The following IGF1R variants were observed in gnomAD, a reference collection of about 807,000 sequenced individuals.
The protein encoded by IGF1R is insulin like growth factor 1 receptor, also known as insulin-like growth factor 1 receptor.
Under a neutral mutation model 144.6 loss-of-function variants are expected in IGF1R, and 44 were observed. The observed-to-expected ratio is 0.30, with a 90% CI of 0.24 to 0.39. The LOEUF (loss-of-function observed/expected upper bound fraction) is 0.39, where lower values mean the gene tolerates loss of function less well. Among genes scored for constraint, IGF1R ranks in the 10% least tolerant of loss-of-function variants. IGF1R has a pLI of 1.00. For synonymous variants in IGF1R, 795 were observed against 722.8 expected (o/e 1.10, Z -1.60); for missense variants, 1,355 against 1,833.7 (o/e 0.74, Z 4.77).
intron 2 of IGF1R, among the ~76,000 whole-genome samples, chr15:98,810,515 T>A (rs892974557): frequency 7.2e-5 from 11 of 152,140 alleles, no homozygotes; most frequent in African/African-American, 2.2e-4. Context: ...CAAGTAACTC[T>A]CTTGTAAAAT....
chr15:98,782,900 A>G (rs892475911), intron 2 of IGF1R, among the ~76,000 whole-genome samples: 2 of 152,248 alleles, frequency 1.3e-5, no homozygotes, highest in African/African-American at 2.4e-5. Context: ...TAAGAAAGCA[A>G]TGTGGCTTAA....
intron 2 of IGF1R, among the ~76,000 whole-genome samples, chr15:98,778,392 G>C (rs770486676): frequency 7.9e-5 from 12 of 152,178 alleles, no homozygotes; most frequent in Admixed American, 2.0e-4. Flanking sequence ...TTGGGTTATA[G>C]TCACTCATTC....
intron 6 of IGF1R, 148 bp downstream of exon 6, chr15:98,909,047 A>C: frequency 1.4e-6 from 1 of 727,188 alleles, no homozygotes; most frequent in Admixed American, 2.0e-5. Flanking sequence ...CTTTGCTCCT[A>C]CTTATATGTC....
chr15:98,914,555 G>A (rs138226219), intron 8 of IGF1R, among the ~76,000 whole-genome samples: 27 of 152,314 alleles, frequency 1.8e-4, no homozygotes, highest in South Asian at 6.2e-4. Flanking sequence ...CTGATCCTGC[G>A]TGTGGGTTGG....
chr15:98,909,251 CTTTTT>C (rs372127452), intron 6 of IGF1R, among the ~76,000 whole-genome samples: 1 of 38,892 alleles, frequency 2.6e-5, no homozygotes, highest in African/African-American at 5.7e-5. Flanking sequence ...TCTTTTTTTT[CTTTTT>C]TTTTCTTTTT....
At chr15:98,780,926 G>C (rs1485256071) in intron 2 of IGF1R, among the ~76,000 whole-genome samples, 1 of 152,060 alleles carries the variant, frequency 6.6e-6, no homozygotes, top group Non-Finnish European at 1.5e-5. Flanking sequence ...TACCAGCCTG[G>C]GCAACATGGC....
chr15:98,665,945 A>T (rs577114943), intron 1 of IGF1R, among the ~76,000 whole-genome samples: 1 of 152,194 alleles, frequency 6.6e-6, no homozygotes, highest in Non-Finnish European at 1.5e-5. Context: ...AATATTGCCT[A>T]TGGTGGTATT....
rs76791619 is a variant in IGF1R, at chr15:98,754,111, G to C, written c.640+46004G>C. On this transcript the variant is annotated intron_variant, in intron 2 of 20. Transcript: ENST00000650285. Reference sequence around the variant, plus strand: ...ATAATTTTTTTCTTCTTCATATTTTGTTATTAATAATAGCTTACAGAATGG... The same window carrying C: ...ATAATTTTTTTCTTCTTCATATTTTCTTATTAATAATAGCTTACAGAATGG... 9.0e-3 allele frequency among the ~76,000 whole-genome samples: 1,362 copies of C among 152,058 alleles called. 20 individuals are homozygous for C. The highest frequency in any genetic ancestry group is 0.031 in the African/African-American group (1,294 of 41,454).
intron 2 of IGF1R, among the ~76,000 whole-genome samples, chr15:98,830,699 G>C (rs1370580110): frequency 6.6e-6 from 1 of 151,058 alleles, no homozygotes; most frequent in Admixed American, 6.6e-5. Context: ...CCACTTCTGG[G>C]TTCAAGCAAT....
intron 1 of IGF1R, among the ~76,000 whole-genome samples, chr15:98,662,949 T>G (rs534753637): frequency 4.0e-4 from 61 of 152,098 alleles, no homozygotes; most frequent in African/African-American, 1.4e-3. Flanking sequence ...ACCATTGCAG[T>G]GGACCCGCTG....
At chr15:98,716,405 C>T (rs1267743788) in intron 2 of IGF1R, among the ~76,000 whole-genome samples, 1 of 152,176 alleles carries the variant, frequency 6.6e-6, no homozygotes, top group African/African-American at 2.4e-5. Context: ...AAATGGCACA[C>T]TGATCATCAT....
chr15:98,680,864 C>CT (rs71149411), intron 1 of IGF1R, among the ~76,000 whole-genome samples: 2,730 of 142,484 alleles, frequency 0.019, 90 homozygotes, highest in African/African-American at 0.058. Flanking sequence ...GCCATATGTA[C>CT]TTTTTTTTTT....
chr15:98,812,701 CT>C lies in IGF1R; in HGVS notation c.641-78622del, dbSNP rs549171683. ...TTCGTCGTATAATATTATGGCCATC[CT>C]TCCAAACGTGACCTTTTTATGTTGT... On this transcript the variant is annotated intron_variant, in intron 2 of 20. Coordinates refer to ENST00000650285, the MANE Select transcript of IGF1R (RefSeq NM_000875.5). Among the ~76,000 whole-genome samples, 21 of 152,302 alleles carry C rather than the reference CT, an allele frequency of 1.4e-4. 2 individuals are homozygous for C. The South Asian group carries it at 4.4e-3, about 32-fold the overall frequency.
At chr15:98,748,570 T>C (rs2054926836) in intron 2 of IGF1R, among the ~76,000 whole-genome samples, 1 of 152,218 alleles carries the variant, frequency 6.6e-6, no homozygotes, top group African/African-American at 2.4e-5. Context: ...ATCGTCATTT[T>C]CTATTGACTT....
At chr15:98,874,232 A>C (rs912893613) in intron 2 of IGF1R, among the ~76,000 whole-genome samples, 9 of 152,196 alleles carry the variant, frequency 5.9e-5, no homozygotes, top group Non-Finnish European at 1.3e-4. Context: ...CAGAAGAAAA[A>C]AGTGGACTTA....
chr15:98,893,495 G>T (rs2014029869), intron 3 of IGF1R: 1 of 152,226 alleles, frequency 6.6e-6, no homozygotes, highest in Non-Finnish European at 1.5e-5. Flanking sequence ...GAGTGTAAAA[G>T]GGCTTTTACT....
chr15:98,712,720 C>G (rs956778705), intron 2 of IGF1R, among the ~76,000 whole-genome samples: 4 of 151,714 alleles, frequency 2.6e-5, no homozygotes, highest in African/African-American at 9.7e-5. Flanking sequence ...AGTGATTCTA[C>G]TGCCTCAGCC....
intron 20 of IGF1R, among the ~76,000 whole-genome samples, chr15:98,955,668 C>T (rs1286063667): frequency 6.6e-6 from 1 of 152,226 alleles, no homozygotes; most frequent in Non-Finnish European, 1.5e-5. Flanking sequence ...CTGAAGGAAG[C>T]TGCCAGGTGG....
intron 19 of IGF1R, among the ~76,000 whole-genome samples, chr15:98,944,513 T>C (rs2016481084): frequency 6.6e-6 from 1 of 152,230 alleles, no homozygotes; most frequent in Admixed American, 6.5e-5. Flanking sequence ...GGCTAGGGCG[T>C]TGGAGCAGGT....
Sources: allele counts gnomAD v4.1 joint callset (sites outside exome capture counted in the v4.1 genomes callset), GRCh38; gene constraint gnomAD v4.1.1; transcripts MANE v1.5; gene names NCBI Gene and HGNC (gene_info 2026-07-23, HGNC 2026-07-21).